The following MCTP1 variants were observed in gnomAD, a reference collection of about 807,000 sequenced individuals.
MCTP1 encodes multiple C2 and transmembrane domain-containing protein 1.
In MCTP1, 69 loss-of-function variants were observed where a neutral mutation model predicts 120.6. The ratio of observed to expected loss-of-function variants is 0.57; its 90% CI spans 0.47 to 0.70. MCTP1 has a LOEUF of 0.70. MCTP1 is among the 30% of genes least tolerant of loss of function. The probability of loss-of-function intolerance (pLI) is 0.00; values close to 1 mark genes in which losing one functional copy is unlikely to be tolerated. For synonymous variants in MCTP1, 529 were observed against 493.1 expected, an observed-to-expected ratio of 1.07 and a Z score of -0.96; for missense variants, 1,203 against 1,248.8, an observed-to-expected ratio of 0.96 and a Z score of 0.55.
At chr5:94,777,035 A>C (rs1248293822) in intron 19 of MCTP1, among the ~76,000 whole-genome samples, 1 of 152,148 alleles carries the variant, frequency 6.6e-6, no homozygotes, top group African/African-American at 2.4e-5. Flanking sequence ...TTTTTATGCT[A>C]TCAATTGCAT....
rs568801229 is a variant in MCTP1 at position 94,938,023 on chromosome 5, T to C, written c.1173+2061A>G. ...CTTGTTGATTTTTACCTCCTATAGG[T>C]AAACCTACCAGTTTCCCTCCATCTC... On this transcript the variant is annotated intron_variant, in intron 5 of 22. Coordinates refer to ENST00000515393, the MANE Select transcript of MCTP1 (RefSeq NM_024717.7). Among the ~76,000 whole-genome samples, 3 of 152,108 alleles carry C rather than the reference T, an allele frequency of 2.0e-5. No homozygotes were observed. The South Asian group carries it at 6.2e-4, about 32-fold the overall frequency.
intron 18 of MCTP1, among the ~76,000 whole-genome samples, chr5:94,795,258 T>A (rs1321174669): frequency 9.3e-6 from 1 of 107,678 alleles, no homozygotes; most frequent in Non-Finnish European, 2.0e-5. Context: ...TGGGCGGGGG[T>A]GGGGTGGGGA....
intron 17 of MCTP1, among the ~76,000 whole-genome samples, chr5:94,821,521 T>A (rs1785650466): frequency 6.6e-6 from 1 of 152,228 alleles, no homozygotes. Context: ...GTGATTCCTT[T>A]ATTTAGACAT....
chr5:94,972,545 C>A (rs1009133983), intron 2 of MCTP1, among the ~76,000 whole-genome samples: 1 of 152,172 alleles, frequency 6.6e-6, no homozygotes, highest in South Asian at 2.1e-4. Flanking sequence ...GAAAATGGAG[C>A]AGTTGCTTTA....
intron 1 of MCTP1, among the ~76,000 whole-genome samples, chr5:95,105,502 C>G (rs1184769517): frequency 2.6e-5 from 4 of 152,090 alleles, no homozygotes; most frequent in Non-Finnish European, 5.9e-5. Context: ...GCACTTGTAA[C>G]CCATAGGAGT....
At chr5:95,164,057 T>C (rs1417424457) in intron 1 of MCTP1, among the ~76,000 whole-genome samples, 4 of 152,204 alleles carry the variant, frequency 2.6e-5, no homozygotes. Flanking sequence ...TCTGAGTTCA[T>C]ATATTCTATT....
chr5:95,000,455 T>C (rs887700650), intron 2 of MCTP1, among the ~76,000 whole-genome samples: 5 of 152,216 alleles, frequency 3.3e-5, no homozygotes, highest in Non-Finnish European at 5.9e-5. Context: ...TTACTGCTTC[T>C]GAAAACTTTC....
chr5:95,103,131 T>G lies in MCTP1; in HGVS notation c.721-85647A>C, dbSNP rs367598405. The stretch of plus-strand genomic sequence containing the variant: ...TGTTTTATTAATATTTATTATTTAT[T>G]ATTATATTATTATTGTCTTGTTACC... On this transcript the variant is annotated intron_variant, in intron 1 of 22. Coordinates refer to ENST00000515393, the MANE Select transcript of MCTP1 (RefSeq NM_024717.7). Among the ~76,000 whole-genome samples the G allele has an allele frequency of 8.6e-5, 13 of 151,514 alleles. No homozygotes were observed. The South Asian group carries it at 2.7e-3, about 31-fold the overall frequency.
intron 12 of MCTP1, among the ~76,000 whole-genome samples, chr5:94,886,435 GTTTAAC>G (rs888507268): frequency 1.3e-5 from 2 of 152,114 alleles, no homozygotes; most frequent in African/African-American, 4.8e-5. Flanking sequence ...AACAATGGGA[GTTTAAC>G]TTTATGTTCA....
At chr5:95,175,600 G>T (rs251080) in intron 1 of MCTP1, among the ~76,000 whole-genome samples, 107,790 of 152,128 alleles carry the variant, frequency 0.71, 38,633 homozygotes, top group Admixed American at 0.74. Flanking sequence ...AAATCCACTT[G>T]CAAATCAAAT....
At chr5:95,095,576 C>A (rs2152351561) in intron 1 of MCTP1, among the ~76,000 whole-genome samples, 1 of 152,288 alleles carries the variant, frequency 6.6e-6, no homozygotes, top group Non-Finnish European at 1.5e-5. Flanking sequence ...GCATCCAAAC[C>A]ACGCTCAAGT....
At position 95,141,388 on chromosome 5, in the gene MCTP1, A is replaced by G. The variant is rs1370620221; in HGVS notation, c.721-123904T>C. Among the ~76,000 whole-genome samples the G allele has an allele frequency of 2.6e-5, 4 of 152,210 alleles. No homozygotes were observed. In the East Asian group the frequency reaches 7.7e-4, roughly 29 times the overall value. ...CTTCAGTAATCCACTAAATACCTACAGTTACTCTGCAGATTAAATCTGGAA... is the reference window on the plus strand; with the variant it reads ...CTTCAGTAATCCACTAAATACCTACGGTTACTCTGCAGATTAAATCTGGAA... On this transcript the variant is annotated intron_variant, in intron 1 of 22. Transcript: ENST00000515393.
intron 1 of MCTP1, among the ~76,000 whole-genome samples, chr5:95,077,700 C>A (rs1753925037): frequency 6.6e-6 from 1 of 152,140 alleles, no homozygotes; most frequent in African/African-American, 2.4e-5. Flanking sequence ...TCTCGATCTC[C>A]TGACCTCGTG....
intron 1 of MCTP1, among the ~76,000 whole-genome samples, chr5:95,094,571 A>AT (rs961577752): frequency 6.6e-6 from 1 of 152,168 alleles, no homozygotes; most frequent in African/African-American, 2.4e-5. Context: ...TGTTAAAAGG[A>AT]TTTTCACTTA....
At chr5:95,201,657 A>C (rs980525105) in intron 1 of MCTP1, among the ~76,000 whole-genome samples, 15 of 151,702 alleles carry the variant, frequency 9.9e-5, no homozygotes, top group African/African-American at 3.2e-4. Flanking sequence ...GGTGCCCGCC[A>C]TCATGCCTGG....
intron 1 of MCTP1, among the ~76,000 whole-genome samples, chr5:95,214,853 C>T (rs778387452): frequency 7.4e-5 from 8 of 107,424 alleles, no homozygotes; most frequent in Admixed American, 2.9e-4. Flanking sequence ...CATCACACAC[C>T]GGGGACTGTT....
chr5:94,711,359 CAGCAACTCTTGGTAGA>C (rs1756929577), intron 20 of MCTP1, among the ~76,000 whole-genome samples: 1 of 152,084 alleles, frequency 6.6e-6, no homozygotes, highest in South Asian at 2.1e-4. Context: ...AAAATGTTGC[CAGCAACTCTTGGTAGA>C]TGTAACTCTT....
At chr5:95,149,442 G>A (rs137891216) in intron 1 of MCTP1, among the ~76,000 whole-genome samples, 150 of 152,196 alleles carry the variant, frequency 9.9e-4, no homozygotes, top group African/African-American at 3.1e-3. Flanking sequence ...GGGAAAATAC[G>A]GAGCTGTGCC....
At chr5:94,825,881 T>C (rs1426751549) in intron 17 of MCTP1, 1 of 123,802 alleles carries the variant, frequency 8.1e-6, no homozygotes, top group Non-Finnish European at 1.6e-5. Context: ...TTAACATCTA[T>C]TTTTTTTTTT....
Sources: gnomAD v4.1 joint callset for allele counts (sites outside exome capture counted in the v4.1 genomes callset) on GRCh38, gnomAD v4.1.1 for gene constraint, MANE v1.5 for transcripts, NCBI Gene and HGNC (gene_info 2026-07-23, HGNC 2026-07-21) for gene names.